The following ANK1 variants were observed in gnomAD, a reference collection of about 807,000 sequenced individuals.
ANK1 encodes the protein ankyrin-1.
Under a neutral mutation model 210.4 loss-of-function variants are expected in ANK1, and 51 were observed. The observed-to-expected ratio is 0.24, with a 90% confidence interval of 0.19 to 0.31. The LOEUF is 0.31. ANK1 is among the 10% of genes least tolerant of loss of function. The pLI is 1.00. For missense variants in ANK1, 2,051 were observed against 2,504.4 expected, an observed-to-expected ratio of 0.82 and a Z score of 3.86; for synonymous variants, 967 against 1,025.9, an observed-to-expected ratio of 0.94 and a Z score of 1.10.
chr8:41,727,306 A>G lies in ANK1; in HGVS notation c.370T>C (p.Leu124=). The stretch of plus-strand genomic sequence containing the variant: ...TCCAGTAAAAACTTAACCACTTCCA[A>G]GTGGTTCTCTTGTGCTGCCATGTAC... ...PLYMAAQENH[L]EVVKFLLENG... Residue 124 remains leucine (L), a synonymous_variant, in exon 5 of 43, where the codon TTG becomes CTG. Coordinates refer to ENST00000289734, the MANE Select transcript of ANK1 (RefSeq NM_000037.4). The G allele has an allele frequency of 1.9e-6, 3 of 1,614,150 alleles. No homozygotes were observed. The highest frequency in any genetic ancestry group is 2.5e-6 in the Non-Finnish European group (3 of 1,180,028).
chr8:41,758,063 A>T lies in ANK1; in HGVS notation c.102T>A (p.Asn34Lys). Residue 34 changes from asparagine (N) to lysine (K), a missense_variant, in exon 2 of 43, where the codon AAT (asparagine) becomes AAA (lysine). Around this residue, in one of 6 missense-constraint regions of ANK1, gnomAD observed 72 missense variants for 133.5 expected, o/e 0.54. Coordinates refer to ENST00000289734, the MANE Select transcript of ANK1 (RefSeq NM_000037.4). ...NLDKALDHLR[N>K]GVDINTCNQN... The stretch of plus-strand genomic sequence containing the variant: ...GGTTACAGGTGTTAATATCTACCCC[A>T]TTCCGCAGGTGATCCAAAGCTTTGT... 6.2e-7 allele frequency: 1 copy of T among 1,614,184 alleles called. No homozygotes were observed. Among genetic ancestry groups the T allele is most frequent in the Non-Finnish European group, 8.5e-7 (1 of 1,180,026 alleles).
chr8:41,804,772 T>G (rs1041197042), intron 1 of ANK1, among the ~76,000 whole-genome samples: 5 of 152,198 alleles, frequency 3.3e-5, no homozygotes, highest in African/African-American at 1.2e-4. Flanking sequence ...CTCCATCTGC[T>G]TGGCACTGGC....
chr8:41,664,771 C>T, intron 39 of ANK1: 2 of 1,571,262 alleles, frequency 1.3e-6, no homozygotes, highest in Non-Finnish European at 8.6e-7. Flanking sequence ...GCGCCCACAC[C>T]ACCAGCCCTG....
chr8:41,668,378 C>G lies in ANK1; in HGVS notation c.5283G>C (p.Thr1761=), dbSNP rs144122155. 1.9e-5 allele frequency: 30 copies of G among 1,614,128 alleles called. No individual in the cohort carries two copies. Among genetic ancestry groups the G allele is most frequent in the Non-Finnish European group, 2.4e-5 (28 of 1,180,050 alleles). The stretch of plus-strand genomic sequence containing the variant: ...TCTCAGCCTCGGGCTGTTCTGTCCA[C>G]GTGTGCTCACTTACAGACACCAGGA... The part of the protein sequence containing the change: ...EKVLVSVSEH[T]WTEQPEAESS... The change falls in exon 39 of 43, where the codon ACG becomes ACC. Residue 1761 remains threonine, a synonymous_variant. Coordinates refer to ENST00000289734, the MANE Select transcript of ANK1 (RefSeq NM_000037.4).
intron 2 of ANK1, among the ~76,000 whole-genome samples, chr8:41,755,697 C>A (rs1228681868): frequency 6.6e-6 from 1 of 152,208 alleles, no homozygotes; most frequent in Non-Finnish European, 1.5e-5. Context: ...GAACAACTCT[C>A]ACACCAAGAC....
At chr8:41,682,944 C>T (rs749457839) in intron 37 of ANK1, among the ~76,000 whole-genome samples, 1 of 152,196 alleles carries the variant, frequency 6.6e-6, no homozygotes, top group Non-Finnish European at 1.5e-5. Context: ...CTGGCCAGGT[C>T]CCCTGAGGGG....
intron 18 of ANK1, among the ~76,000 whole-genome samples, chr8:41,705,749 C>T (rs992060200): frequency 2.0e-5 from 3 of 152,344 alleles, no homozygotes; most frequent in Admixed American, 2.0e-4. Context: ...ATTCCATTCA[C>T]ATAGCTCCTT....
At chr8:41,745,097 C>CAG (rs771313293) in intron 2 of ANK1, among the ~76,000 whole-genome samples, 9 of 136,260 alleles carry the variant, frequency 6.6e-5, no homozygotes, top group East Asian at 2.3e-4. Flanking sequence ...AGAAAACAGA[C>CAG]AGAGACAGAG....
rs1036457270 is a variant in ANK1 at position 41,719,833 on chromosome 8, G to A, written c.935C>T (p.Ala312Val). The change falls in exon 10 of 43, where the codon GCG becomes GTG. Residue 312 changes from alanine to valine, a missense_variant. By Grantham distance (64) the Ala-to-Val change is moderately conservative. Around this residue, in one of 6 missense-constraint regions of ANK1, gnomAD observed 1,413 missense variants for 1,707.4 expected, o/e 0.83. Transcript: ENST00000289734. ...TKNGLSPIHMAAQGDHLDCVR... is the reference protein window; with the variant it reads ...TKNGLSPIHMVAQGDHLDCVR... Reference sequence around the variant, plus strand: ...ACAGTCGAGGTGGTCTCCCTGAGCCGCCATGTGAATTGGGGACAGGCCGTT... The same window carrying A: ...ACAGTCGAGGTGGTCTCCCTGAGCCACCATGTGAATTGGGGACAGGCCGTT... 8 of 1,614,222 alleles carry A rather than the reference G, an allele frequency of 5.0e-6. No individual in the cohort carries two copies. Among genetic ancestry groups the A allele is most frequent in the Non-Finnish European group, 6.8e-6 (8 of 1,180,042 alleles).
chr8:41,828,949 C>T (rs886959031), intron 1 of ANK1: 2 of 152,264 alleles, frequency 1.3e-5, no homozygotes, highest in Non-Finnish European at 2.9e-5. Context: ...TCGGATCTGC[C>T]GCCCGTCCTC....
intron 1 of ANK1, among the ~76,000 whole-genome samples, chr8:41,852,331 G>C (rs555099676): frequency 6.6e-6 from 1 of 152,348 alleles, no homozygotes; most frequent in African/African-American, 2.4e-5. Context: ...AGCTTCAGGG[G>C]AACATGCGGG....
At chr8:41,662,868 T>C (rs963243534) in intron 40 of ANK1, among the ~76,000 whole-genome samples, 1 of 152,124 alleles carries the variant, frequency 6.6e-6, no homozygotes, top group Non-Finnish European at 1.5e-5. Context: ...GGCAAGGTCA[T>C]GTCTCTGAGT....
At chr8:41,814,438 C>T (rs996559010) in intron 1 of ANK1, among the ~76,000 whole-genome samples, 1 of 151,762 alleles carries the variant, frequency 6.6e-6, no homozygotes, top group African/African-American at 2.4e-5. Context: ...ATGTTATTAG[C>T]AGTTTCATGA....
chr8:41,664,952 G>A (rs751084421), intron 39 of ANK1: 16 of 1,614,120 alleles, frequency 9.9e-6, no homozygotes, highest in Admixed American at 1.7e-5. Context: ...TGTGCATCAC[G>A]TTCTGACAGC....
intron 1 of ANK1, among the ~76,000 whole-genome samples, chr8:41,847,580 C>T (rs1041232709): frequency 1.3e-5 from 2 of 152,150 alleles, no homozygotes; most frequent in African/African-American, 4.8e-5. Flanking sequence ...CATTCAATCC[C>T]CAAGACAGCT....
At chr8:41,791,242 G>C (rs924532800) in intron 1 of ANK1, among the ~76,000 whole-genome samples, 3 of 111,394 alleles carry the variant, frequency 2.7e-5, no homozygotes, top group African/African-American at 7.1e-5. Context: ...CTCACTCTCA[G>C]CTCACTGCAA....
chr8:41,712,833 G>C (rs1826516942), intron 16 of ANK1, among the ~76,000 whole-genome samples: 2 of 152,198 alleles, frequency 1.3e-5, no homozygotes, highest in Admixed American at 1.3e-4. Context: ...AATGAACCTG[G>C]CTCCCGTTCC....
intron 1 of ANK1, among the ~76,000 whole-genome samples, chr8:41,834,092 G>C (rs538110690): frequency 6.6e-6 from 1 of 152,260 alleles, no homozygotes; most frequent in South Asian, 2.1e-4. Flanking sequence ...ATCAGCAGGG[G>C]GTTTCCCCCT....
At position 41,653,334 on chromosome 8, in the gene ANK1, G is replaced by A. The variant is rs906179745; in HGVS notation, c.*2456C>T. 1 of 152,578 alleles carries A rather than the reference G, an allele frequency of 6.6e-6. No homozygotes were observed. Among genetic ancestry groups the A allele is most frequent in the African/African-American group, 2.4e-5 (1 of 41,416 alleles). 9.5% of individuals were successfully genotyped at this position (152,578 alleles called of 1,614,324 possible). On this transcript the variant is annotated 3_prime_UTR_variant, in exon 43 of 43. Transcript: ENST00000289734. Reference sequence around the variant, plus strand: ...GATTCTCTCCCATAACAGAGCATGTGGGAGAGTCAAGAAAAGATCCATTTT... The same window carrying A: ...GATTCTCTCCCATAACAGAGCATGTAGGAGAGTCAAGAAAAGATCCATTTT...
Sources: allele counts gnomAD v4.1 joint callset (sites outside exome capture counted in the v4.1 genomes callset), GRCh38; gene constraint gnomAD v4.1.1; regional missense constraint gnomAD v4.1.1; transcripts MANE v1.5; gene names NCBI Gene and HGNC (gene_info 2026-07-23, HGNC 2026-07-21).